The following PKD1 variants were observed in gnomAD, a reference collection of about 807,000 sequenced individuals.
PKD1 encodes the protein polycystin-1.
A neutral mutation model predicts 361.7 loss-of-function variants in PKD1; 81 were observed. That is an observed-to-expected ratio of 0.22 (90% confidence interval 0.19 to 0.27). The LOEUF is 0.27. Among genes scored for constraint, PKD1 ranks in the 10% least tolerant of loss-of-function variants. The pLI, the probability that PKD1 is intolerant of heterozygous loss-of-function variation, is 1.00. For synonymous variants in PKD1, 3,615 were observed against 2,818.3 expected (o/e 1.28, Z -8.95); for missense variants, 6,399 against 6,118.3 (o/e 1.05, Z -1.53).
intron 42 of PKD1, 25 bp downstream of exon 42, chr16:2,091,398 G>A (rs1596479702): frequency 2.7e-6 from 3 of 1,109,206 alleles, no homozygotes; most frequent in Non-Finnish European, 1.1e-6. Context: ...TGGGAGGCGC[G>A]GGGTCTGGCC....
chr16:2,116,266 A>G (rs971461035), intron 8 of PKD1, 148 bp from the exon 9 acceptor site: 1 of 849,054 alleles, frequency 1.2e-6, no homozygotes, highest in African/African-American at 1.7e-5. Flanking sequence ...CTCGAGAGGA[A>G]GACTCCGGTG....
chr16:2,103,378 G>C lies in PKD1; in HGVS notation c.8679C>G (p.Ser2893=), dbSNP rs114143642. The change falls in exon 23 of 46, where the codon TCC becomes TCG. Residue 2893 remains serine, a synonymous_variant. Coordinates refer to ENST00000262304, the MANE Select transcript of PKD1 (RefSeq NM_001009944.3). ...AARGHRSSAN[S]ANSVVVQPQA... ...GGGGCTGGACCACAACGGAGTTGGC[G>C]GAGTTGGCGGAGCTGCGGTGGCCCC... 2.6e-3 allele frequency: 4,243 copies of C among 1,601,692 alleles called. 104 individuals are homozygous for C. In the African/African-American group the frequency reaches 0.048, roughly 18 times the overall value.
chr16:2,130,866 C>T (rs945309734), intron 1 of PKD1, among the ~76,000 whole-genome samples: 1 of 152,228 alleles, frequency 6.6e-6, no homozygotes, highest in Non-Finnish European at 1.5e-5. Context: ...CCTACCAAGT[C>T]CCTCGATGTG....
rs559096849 is a variant in PKD1, at chr16:2,089,678, G to C, written c.*49C>G. On this transcript the variant is annotated 3_prime_UTR_variant, in exon 46 of 46. Transcript: ENST00000262304. The stretch of plus-strand genomic sequence containing the variant: ...CTTGACAGCGGCAGAAAGTAATACT[G>C]AGCGGTGTCCACTCCGACTCCACGG... The C allele has an allele frequency of 6.5e-7, 1 of 1,546,726 alleles. No homozygotes were observed. The highest frequency in any genetic ancestry group is 8.7e-7 in the Non-Finnish European group (1 of 1,144,956).
rs1320095490 is a variant in PKD1, at chr16:2,109,096, C to A, written c.6071G>T (p.Arg2024Leu). 6.2e-7 allele frequency: 1 copy of A among 1,603,218 alleles called. No homozygotes were observed. The highest frequency in any genetic ancestry group is 8.5e-7 in the Non-Finnish European group (1 of 1,173,770). The change falls in exon 15 of 46, where the codon CGC (arginine) becomes CTC (leucine). Residue 2024 changes from arginine (R) to leucine (L), a missense_variant. Physicochemically the swap from Arg to Leu is moderately radical, Grantham distance 102. Coordinates refer to ENST00000262304, the MANE Select transcript of PKD1 (RefSeq NM_001009944.3). ...QGDSLVILSG[R>L]DVTYTPVAAG... ...GGCCACGGGCGTGTAGGTGACGTCG[C>A]GGCCCGACAGGATGACCAGCGAGTC...
chr16:2,122,944 G>C (rs1262680694), intron 1 of PKD1, among the ~76,000 whole-genome samples: 2 of 152,188 alleles, frequency 1.3e-5, no homozygotes, highest in Non-Finnish European at 2.9e-5. Flanking sequence ...AGAAGGAAAA[G>C]CCTGAAGATG....
chr16:2,106,471 C>A lies in PKD1; in HGVS notation c.7416G>T (p.Leu2472=). The change falls in exon 18 of 46, where the codon CTG becomes CTT. Residue 2472 remains leucine, a synonymous_variant. Transcript: ENST00000262304. The surrounding 1 kb of genome is among the most constrained non-coding windows in gnomAD (Gnocchi z 6.5). ...SIRLSPNRPP[L]GGSCRLFPLG... is the part of the protein sequence containing the mutation. ...GTGGGAAGAGGCGGCAAGAGCCCCC[C>A]AGCGGCGGGCGGTTGGGGGACAGGC... 1.9e-6 allele frequency: 3 copies of A among 1,590,658 alleles called. No homozygotes were observed. The highest frequency in any genetic ancestry group is 2.6e-6 in the Non-Finnish European group (3 of 1,175,454).
chr16:2,097,736 A>G lies in PKD1; in HGVS notation c.10212T>C (p.Asp3404=). The change falls in exon 32 of 46, where the codon GAT becomes GAC. Residue 3404 remains aspartate, a synonymous_variant. Coordinates refer to ENST00000262304, the MANE Select transcript of PKD1 (RefSeq NM_001009944.3). Reference sequence around the variant, plus strand: ...TTCTCTAGGGAACCCACCTCTTAGAATCATCCAGAAACAAGTCACTCTTCA... The same window carrying G: ...TTCTCTAGGGAACCCACCTCTTAGAGTCATCCAGAAACAAGTCACTCTTCA... ...GQMKSDLFLD[D]SKSLVCWPSG... 1.2e-6 allele frequency: 2 copies of G among 1,611,158 alleles called. No homozygotes were observed. Among genetic ancestry groups the G allele is most frequent in the Non-Finnish European group, 1.7e-6 (2 of 1,179,816 alleles).
In PKD1 at chr16:2,114,114, A is replaced by C. The variant is rs1250101260; in HGVS notation, c.2853+56T>G. 1.5e-5 allele frequency: 22 copies of C among 1,479,150 alleles called. No homozygotes were observed. In the Admixed American group the frequency reaches 3.4e-4, roughly 23 times the overall value. The allele number at this position is 1,479,150 out of a possible 1,614,324, so 91.6% of individuals were successfully genotyped here. ...GCCAGGCCTCACGCCCTGTGTGAGCACCCTGTCTGCAGGCACCTGCCTGGG... is the reference window on the plus strand; with the variant it reads ...GCCAGGCCTCACGCCCTGTGTGAGCCCCCTGTCTGCAGGCACCTGCCTGGG... On this transcript the variant is annotated intron_variant, in intron 11 of 45. Coordinates refer to ENST00000262304, the MANE Select transcript of PKD1 (RefSeq NM_001009944.3).
intron 26 of PKD1, among the ~76,000 whole-genome samples, chr16:2,101,534 C>T (rs2092096651): frequency 6.6e-6 from 1 of 152,152 alleles, no homozygotes; most frequent in Non-Finnish European, 1.5e-5. Flanking sequence ...AGGGGAATGG[C>T]TTAAACCCGG....
At chr16:2,102,313 G>A in intron 25 of PKD1, 57 bp from the exon 26 acceptor site, 2 of 1,495,704 alleles carry the variant, frequency 1.3e-6, no homozygotes, top group Non-Finnish European at 1.8e-6. Context: ...GCCTTCTCAG[G>A]ATAGAGCCGA....
At chr16:2,128,954 C>G (rs1356325156) in intron 1 of PKD1, among the ~76,000 whole-genome samples, 2 of 151,992 alleles carry the variant, frequency 1.3e-5, no homozygotes, top group Admixed American at 6.6e-5. Flanking sequence ...ACCTCCGCCT[C>G]CCGGGTTCAA....
At chr16:2,105,636 A>G (rs570454620) in intron 20 of PKD1, 162 bp from the exon 21 acceptor site, 57 of 1,525,896 alleles carry the variant, frequency 3.7e-5, no homozygotes, top group South Asian at 3.7e-4. Flanking sequence ...AAAACAGGGT[A>G]AGCACATGGG....
At chr16:2,094,563 T>C (rs1204469456) in intron 34 of PKD1, among the ~76,000 whole-genome samples, 2 of 152,166 alleles carry the variant, frequency 1.3e-5, no homozygotes, top group African/African-American at 4.8e-5. Flanking sequence ...GTCTCAACCA[T>C]CCAACAAGCA....
chr16:2,116,838 G>C lies in PKD1; in HGVS notation c.1601C>G (p.Pro534Arg). 6.5e-7 allele frequency: 1 copy of C among 1,528,194 alleles called. No individual in the cohort carries two copies. The highest frequency in any genetic ancestry group is 1.2e-5 in the South Asian group (1 of 84,120). The allele number at this position is 1,528,194 out of a possible 1,614,324, so 94.7% of individuals were successfully genotyped here. ...CTGCCTGGCCCCCCGCACACCTCCG[G>C]GCTGCAGCTCGCAGACGTAGCTGTG... ...APHSYVCELQ[P>R]GGPVQDAENL... Residue 534 changes from proline (P) to arginine (R), a missense_variant, in exon 7 of 46, where the codon CCC becomes CGC. Physicochemically the swap from Pro to Arg is moderately radical, Grantham distance 103. Transcript: ENST00000262304.
chr16:2,132,709 G>T (rs1490476116), intron 1 of PKD1, among the ~76,000 whole-genome samples: 1 of 151,958 alleles, frequency 6.6e-6, no homozygotes, highest in Non-Finnish European at 1.5e-5. Flanking sequence ...GGAACTGTCT[G>T]TTGTGTTAGG....
rs754874508 is a variant in PKD1 at position 2,090,768 on chromosome 16, A to C, written c.12044T>G (p.Phe4015Cys). Residue 4015 changes from phenylalanine to cysteine, a missense_variant, in exon 44 of 46, where the codon TTT becomes TGT. Coordinates refer to ENST00000262304, the MANE Select transcript of PKD1 (RefSeq NM_001009944.3). ...QLRFVRQWSVFGKTLCRALPE... is the reference protein window; with the variant it reads ...QLRFVRQWSVCGKTLCRALPE... ...CAGAGCTCGGCATAATGTCTTGCCA[A>C]AGACGGACCACTGGCGCACGAAGCG... The C allele has an allele frequency of 6.2e-7, 1 of 1,612,588 alleles. No individual in the cohort carries two copies. The highest frequency in any genetic ancestry group is 8.5e-7 in the Non-Finnish European group (1 of 1,179,942).
chr16:2,102,983 G>A lies in PKD1; in HGVS notation c.8792-13C>T, dbSNP rs372843681. 3.4e-4 allele frequency: 538 copies of A among 1,601,260 alleles called. No homozygotes were observed. Among genetic ancestry groups the A allele is most frequent in the Middle Eastern group, 9.0e-4 (4 of 4,430 alleles). On this transcript the variant is annotated splice_polypyrimidine_tract_variant and intron_variant, in intron 23 of 45. Coordinates refer to ENST00000262304, the MANE Select transcript of PKD1 (RefSeq NM_001009944.3). ...GACAGGTAGTGGCCTGGGGCAGAAC[G>A]CGCAGGTCACACGCCTGCCGGGAAG...
rs1410918554 is a variant in PKD1, at chr16:2,094,145, G to T, written c.10565C>A (p.Pro3522His). 1.3e-6 allele frequency: 2 copies of T among 1,599,366 alleles called. No homozygotes were observed. Among genetic ancestry groups the T allele is most frequent in the African/African-American group, 2.7e-5 (2 of 74,806 alleles). The change falls in exon 35 of 46, where the codon CCC becomes CAC. Residue 3522 changes from proline to histidine, a missense_variant. Transcript: ENST00000262304. ...CTGTTCCCAGTTCAGGCCTGGGCTG[G>T]GTGGCCCCAGCTCCCCCAGCCTCTG... is the stretch of plus-strand genomic sequence containing the variant. ...ALQRLGELGP[P>H]SPGLNWEQPQ...
Sources: gnomAD v4.1 joint callset for allele counts (sites outside exome capture counted in the v4.1 genomes callset) on GRCh38, gnomAD v4.1.1 for gene constraint, Gnocchi (gnomAD v3.1) non-coding constraint, MANE v1.5 for transcripts, NCBI Gene and HGNC (gene_info 2026-07-23, HGNC 2026-07-21) for gene names.